Variants in PCDHAC1 observed in about 807,000 individuals in gnomAD.
The protein encoded by PCDHAC1 is protocadherin alpha subfamily C, 1, also known as protocadherin alpha-C1.
PCDHAC1 carries 42 observed loss-of-function variants against 60.0 expected under a neutral mutation model. The ratio of observed to expected loss-of-function variants is 0.70; its 90% CI spans 0.55 to 0.90. PCDHAC1 has a LOEUF of 0.90. PCDHAC1 is among the 40% of genes least tolerant of loss of function. PCDHAC1 has a pLI of 0.00. For synonymous variants in PCDHAC1, 468 were observed against 499.3 expected (o/e 0.94, Z 0.84); for missense variants, 1,160 against 1,222.3 (o/e 0.95, Z 0.76).
chr5:140,965,857 A>G (rs1563345275), intron 1 of PCDHAC1, among the ~76,000 whole-genome samples: 1 of 152,220 alleles, frequency 6.6e-6, no homozygotes, highest in South Asian at 2.1e-4. Context: ...GCACACACTG[A>G]AAATAAGGGC....
chr5:141,004,461 A>C (rs1160733381), intron 3 of PCDHAC1, among the ~76,000 whole-genome samples: 1 of 152,216 alleles, frequency 6.6e-6, no homozygotes, highest in Non-Finnish European at 1.5e-5. Context: ...CAGGAAGCTC[A>C]GTGACATGTT....
At chr5:140,997,098 C>T (rs1328956245) in intron 3 of PCDHAC1, among the ~76,000 whole-genome samples, 12 of 152,128 alleles carry the variant, frequency 7.9e-5, no homozygotes, top group Admixed American at 5.2e-4. Context: ...GCAGAGTTCT[C>T]ATGCACTCCT....
chr5:140,941,285 T>C (rs1563188656), intron 1 of PCDHAC1, among the ~76,000 whole-genome samples: 1 of 119,964 alleles, frequency 8.3e-6, no homozygotes, highest in African/African-American at 2.9e-5. Flanking sequence ...TTCCTTCCTT[T>C]CTCTTTCTTT....
chr5:140,941,251 CTT>C (rs1177440606), intron 1 of PCDHAC1, among the ~76,000 whole-genome samples: 1 of 121,786 alleles, frequency 8.2e-6, no homozygotes, highest in African/African-American at 3.1e-5. Flanking sequence ...TTCTTTCTTT[CTT>C]TCTCTTTCTT....
At chr5:140,966,248 G>C (rs2095985597) in intron 1 of PCDHAC1, 2 of 322,664 alleles carry the variant, frequency 6.2e-6, no homozygotes, top group Non-Finnish European at 5.6e-6. Context: ...AAGCAGGGGA[G>C]AGACGGTGGA....
chr5:140,968,121 T>C (rs1554230356), intron 1 of PCDHAC1: 2 of 1,614,180 alleles, frequency 1.2e-6, no homozygotes, highest in Non-Finnish European at 1.7e-6. Flanking sequence ...CTCACATCCC[T>C]GCGTACACTG....
At chr5:140,959,373 CA>C (rs1243465116) in intron 1 of PCDHAC1, among the ~76,000 whole-genome samples, 26 of 145,126 alleles carry the variant, frequency 1.8e-4, no homozygotes, top group South Asian at 2.2e-4. Flanking sequence ...GACCCTGTCT[CA>C]AAAAAAAAAG....
At chr5:140,945,488 C>T (rs1362622912) in intron 1 of PCDHAC1, among the ~76,000 whole-genome samples, 1 of 151,910 alleles carries the variant, frequency 6.6e-6, no homozygotes, top group Non-Finnish European at 1.5e-5. Flanking sequence ...ACCCCAAATA[C>T]CCAAAGCAAT....
chr5:140,927,137 A>G lies in PCDHAC1; in HGVS notation c.245A>G (p.Asp82Gly). Residue 82 changes from aspartate to glycine, a missense_variant, in exon 1 of 4, where the codon GAC (aspartate) becomes GGC (glycine). Asp to Gly is a moderately conservative substitution (Grantham distance 94). Transcript: ENST00000253807. ...AATTTGGTGGTCAGAGAGCCGGCGG[A>G]CCGCGAACAGCTGTGCAGGGCCAAA... is the stretch of plus-strand genomic sequence containing the variant. ...SGNLVVREPADREQLCRAKAA... is the reference protein window; with the variant it reads ...SGNLVVREPAGREQLCRAKAA... The G allele has an allele frequency of 1.2e-6, 2 of 1,614,052 alleles. No individual in the cohort carries two copies. The highest frequency in any genetic ancestry group is 2.2e-5 in the South Asian group (2 of 91,072).
At chr5:140,994,157 G>A (rs958405989) in intron 3 of PCDHAC1, among the ~76,000 whole-genome samples, 1 of 152,198 alleles carries the variant, frequency 6.6e-6, no homozygotes, top group Non-Finnish European at 1.5e-5. Context: ...TAGGGTCAAC[G>A]AAGGGGAAGG....
chr5:140,985,739 CTTTTT>C (rs11372071), intron 3 of PCDHAC1, among the ~76,000 whole-genome samples: 1 of 117,916 alleles, frequency 8.5e-6, no homozygotes, highest in Non-Finnish European at 1.7e-5. Context: ...TGATGAATTC[CTTTTT>C]TTTTTTTTTT....
intron 3 of PCDHAC1, among the ~76,000 whole-genome samples, chr5:140,988,517 T>C (rs184897922): frequency 3.0e-3 from 461 of 152,278 alleles, no homozygotes; most frequent in Middle Eastern, 0.014. Context: ...CTTACTTAAG[T>C]CTCTGCTGGC....
At chr5:140,952,885 A>G (rs1285549724) in intron 1 of PCDHAC1, among the ~76,000 whole-genome samples, 1 of 152,174 alleles carries the variant, frequency 6.6e-6, no homozygotes, top group Non-Finnish European at 1.5e-5. Flanking sequence ...TCATGGTGGA[A>G]GGCAAAGGGG....
rs79831933 is a variant in PCDHAC1, at chr5:140,933,507, A to G, written c.2433+4182A>G. ...TATTCTTTAGAATTGTTAAGCAAAG[A>G]CTACAGCTGTTTTGTTTAAACTCAA... On this transcript the variant is annotated intron_variant, in intron 1 of 3. Transcript: ENST00000253807. 5.9e-3 allele frequency among the ~76,000 whole-genome samples: 898 copies of G among 152,170 alleles called. 13 individuals carry two copies. Among genetic ancestry groups the G allele is most frequent in the African/African-American group, 0.02 (841 of 41,572 alleles).
At chr5:140,967,390 G>A (rs2096135950) in intron 1 of PCDHAC1, 2 of 1,609,752 alleles carry the variant, frequency 1.2e-6, no homozygotes, top group African/African-American at 1.3e-5. Context: ...AAGTGCTTGA[G>A]CTGGTGCTGC....
intron 3 of PCDHAC1, among the ~76,000 whole-genome samples, chr5:141,006,789 C>T (rs1388215052): frequency 6.6e-6 from 1 of 152,026 alleles, no homozygotes; most frequent in Non-Finnish European, 1.5e-5. Flanking sequence ...GAATAATTAG[C>T]TTTGAACTTT....
chr5:140,971,203 T>A (rs1586466173), intron 1 of PCDHAC1, among the ~76,000 whole-genome samples: 2 of 152,308 alleles, frequency 1.3e-5, no homozygotes, highest in Middle Eastern at 6.8e-3. Context: ...GGAAAGACAC[T>A]GTTACCCTCC....
chr5:140,943,831 A>T (rs1051741610), intron 1 of PCDHAC1, among the ~76,000 whole-genome samples: 2 of 152,214 alleles, frequency 1.3e-5, no homozygotes, highest in African/African-American at 4.8e-5. Flanking sequence ...GAGTTGATTG[A>T]AGTTGTAAGA....
At position 140,982,508 on chromosome 5, in the gene PCDHAC1, G is replaced by A. The variant is rs1586930589; in HGVS notation, c.2526G>A (p.Arg842=). The change falls in exon 3 of 4, where the codon CGG becomes CGA. Residue 842 remains arginine, a synonymous_variant. Transcript: ENST00000253807. The part of the protein sequence containing the change: ...SVHLEEAGIL[R]AGPGGPDQQW... The stretch of plus-strand genomic sequence containing the variant: ...ACCTAGAGGAGGCTGGCATTCTACG[G>A]GCTGGTCCAGGAGGGCCTGATCAGC... The A allele has an allele frequency of 6.2e-7, 1 of 1,614,154 alleles. No individual in the cohort carries two copies. Among genetic ancestry groups the A allele is most frequent in the Non-Finnish European group, 8.5e-7 (1 of 1,180,018 alleles).
Sources: gnomAD v4.1 joint callset for allele counts (sites outside exome capture counted in the v4.1 genomes callset) on GRCh38, gnomAD v4.1.1 for gene constraint, MANE v1.5 for transcripts, NCBI Gene and HGNC (gene_info 2026-07-23, HGNC 2026-07-21) for gene names.